Variants in CYS1 observed in about 807,000 individuals in gnomAD.
CYS1 encodes the protein cystin 1.
In CYS1, 5 loss-of-function variants were observed where a neutral mutation model predicts 9.6. The observed-to-expected ratio is 0.52, with a 90% CI of 0.27 to 1.10. The LOEUF is 1.10. Ranked by LOEUF, CYS1 falls within the 50% of genes least tolerant of loss-of-function variation. The pLI is 0.11. For missense variants in CYS1, 221 were observed against 207.9 expected (o/e 1.06, Z -0.39); for synonymous variants, 88 against 95.7 (o/e 0.92, Z 0.47).
Position 10,065,901 on chromosome 2 carries a change from T to G in CYS1, c.371+3A>C. 1 of 1,614,178 alleles carries G rather than the reference T, an allele frequency of 6.2e-7. No homozygotes were observed. Among genetic ancestry groups the G allele is most frequent in the Non-Finnish European group, 8.5e-7 (1 of 1,180,012 alleles). ...GGGAGAGATGTGCCTCCCTGGTACTTACTCAGAGACATTGCCGCTCCCCGG... is the reference window on the plus strand; with the variant it reads ...GGGAGAGATGTGCCTCCCTGGTACTGACTCAGAGACATTGCCGCTCCCCGG... On this transcript the variant is annotated splice_donor_region_variant and intron_variant, in intron 2 of 2. Transcript: ENST00000381813.
chr2:10,064,678 T>C (rs1661671131), intron 2 of CYS1, among the ~76,000 whole-genome samples: 5 of 152,052 alleles, frequency 3.3e-5, no homozygotes, highest in Admixed American at 3.3e-4. Flanking sequence ...GGCGAACTCC[T>C]GTACGTCCTT....
intron 1 of CYS1, among the ~76,000 whole-genome samples, chr2:10,067,079 G>C (rs998008240): frequency 1.3e-5 from 2 of 152,068 alleles, no homozygotes; most frequent in East Asian, 3.9e-4. Flanking sequence ...GCAATGGTGC[G>C]ATCTCAGCTC....
chr2:10,070,409 G>A (rs752189361), intron 1 of CYS1, among the ~76,000 whole-genome samples: 1 of 152,124 alleles, frequency 6.6e-6, no homozygotes, highest in Non-Finnish European at 1.5e-5. Context: ...GCAGTGGCGT[G>A]ATCTCGGCTC....
chr2:10,078,784 G>C (rs570808443), intron 1 of CYS1, among the ~76,000 whole-genome samples: 1 of 152,248 alleles, frequency 6.6e-6, no homozygotes, highest in South Asian at 2.1e-4. Flanking sequence ...CAGCGGGACC[G>C]GTGCTCAAAG....
At chr2:10,073,723 G>A (rs1241210740) in intron 1 of CYS1, among the ~76,000 whole-genome samples, 1 of 152,078 alleles carries the variant, frequency 6.6e-6, no homozygotes, top group Non-Finnish European at 1.5e-5. Context: ...CAGCCCTATG[G>A]GACTCAAAGC....
chr2:10,064,698 T>G (rs1052436302), intron 2 of CYS1, among the ~76,000 whole-genome samples: 1 of 151,856 alleles, frequency 6.6e-6, no homozygotes, highest in Non-Finnish European at 1.5e-5. Context: ...TCAAGCCATA[T>G]TATTTTTATA....
At position 10,080,271 on chromosome 2, in the gene CYS1, G is replaced by T. The variant is rs1458316846; in HGVS notation, c.-48C>A. ...CCGCCGAGGGGGCCCCCATGAGGGG[G>T]CGCGGCCGGGGGCGGGGACGCTAGG... On this transcript the variant is annotated 5_prime_UTR_variant, in exon 1 of 3. Transcript: ENST00000381813. The surrounding 1 kb of genome is among the most constrained non-coding windows in gnomAD (Gnocchi z 6.4). 9.9e-7 allele frequency: 1 copy of T among 1,005,590 alleles called. No homozygotes were observed. The highest frequency in any genetic ancestry group is 1.2e-6 in the Non-Finnish European group (1 of 840,992). 62.3% of individuals were successfully genotyped at this position (1,005,590 alleles called of 1,614,324 possible).
At chr2:10,074,775 C>T (rs372050669) in intron 1 of CYS1, among the ~76,000 whole-genome samples, 3 of 152,192 alleles carry the variant, frequency 2.0e-5, no homozygotes, top group Non-Finnish European at 2.9e-5. Flanking sequence ...TTCTGCTCTC[C>T]GACATCACCT....
At chr2:10,066,134 C>G (rs546144955) in intron 1 of CYS1, among the ~76,000 whole-genome samples, 178 bp from the exon 2 acceptor site, 1 of 152,230 alleles carries the variant, frequency 6.6e-6, no homozygotes, top group Non-Finnish European at 1.5e-5. Context: ...GGCAAGAAAA[C>G]GGAGGCTGCA....
chr2:10,079,099 G>A (rs916832911), intron 1 of CYS1, among the ~76,000 whole-genome samples: 2 of 152,194 alleles, frequency 1.3e-5, no homozygotes, highest in African/African-American at 4.8e-5. Context: ...CCGTAAGGGA[G>A]AGGAGCAGGG....
intron 2 of CYS1, among the ~76,000 whole-genome samples, chr2:10,062,429 T>C (rs1011254465): frequency 6.6e-6 from 1 of 152,096 alleles, no homozygotes; most frequent in Non-Finnish European, 1.5e-5. Context: ...AGTTTTGCTC[T>C]GTCACCCAGG....
intron 2 of CYS1, 121 bp downstream of exon 2, chr2:10,065,783 T>A: frequency 3.2e-6 from 3 of 925,590 alleles, no homozygotes; most frequent in Non-Finnish European, 5.2e-6. Flanking sequence ...TAGAGGGAGC[T>A]GCCTCTGGAA....
In CYS1 at chr2:10,065,938, T is replaced by C. The variant is rs1346732911; in HGVS notation, c.337A>G (p.Thr113Ala). Reference sequence around the variant, plus strand: ...TTGCCGCTCCCCGGGTGGCCCTCTGTGCTCTGCTCTGCGCACACCTTGAGA... The same window carrying C: ...TTGCCGCTCCCCGGGTGGCCCTCTGCGCTCTGCTCTGCGCACACCTTGAGA... Reference protein sequence around the residue: ...AGSAVCAEQSTEGHPGSGNVS... With the variant: ...AGSAVCAEQSAEGHPGSGNVS... The change falls in exon 2 of 3, where the codon ACA (threonine) becomes GCA (alanine). Residue 113 changes from threonine to alanine, a missense_variant. Thr to Ala is a moderately conservative substitution (Grantham distance 58). Transcript: ENST00000381813. 2 of 1,614,096 alleles carry C rather than the reference T, an allele frequency of 1.2e-6. No homozygotes were observed. The highest frequency in any genetic ancestry group is 2.7e-5 in the African/African-American group (2 of 74,924).
chr2:10,062,004 A>G (rs1290662868), intron 2 of CYS1, among the ~76,000 whole-genome samples: 1 of 152,092 alleles, frequency 6.6e-6, no homozygotes, highest in African/African-American at 2.4e-5. Context: ...AGGGACTCCT[A>G]AAGTCATGCT....
chr2:10,072,214 C>A (rs1417580329), intron 1 of CYS1, among the ~76,000 whole-genome samples: 1 of 152,080 alleles, frequency 6.6e-6, no homozygotes, highest in Non-Finnish European at 1.5e-5. Context: ...TCCTGAGTAG[C>A]TGGGATTACA....
chr2:10,062,401 CT>C (rs201124927), intron 2 of CYS1, among the ~76,000 whole-genome samples: 19 of 147,608 alleles, frequency 1.3e-4, no homozygotes, highest in Admixed American at 2.0e-4. Context: ...CTCTTTTTTT[CT>C]TTTTTTTTTG....
chr2:10,058,992 G>A (rs1156548970), intron 2 of CYS1, 34 bp from the exon 3 acceptor site: 2 of 1,541,870 alleles, frequency 1.3e-6, no homozygotes, highest in South Asian at 1.2e-5. Flanking sequence ...GCTGTCAGGA[G>A]GCAGGATGGT....
chr2:10,066,712 G>C (rs1661701730), intron 1 of CYS1, among the ~76,000 whole-genome samples: 1 of 152,220 alleles, frequency 6.6e-6, no homozygotes, highest in Non-Finnish European at 1.5e-5. Context: ...GTGCTGCTCA[G>C]CTTACAATGG....
At chr2:10,060,048 C>T (rs925202048) in intron 2 of CYS1, among the ~76,000 whole-genome samples, 2 of 152,230 alleles carry the variant, frequency 1.3e-5, no homozygotes, top group African/African-American at 4.8e-5. Context: ...GAGGCAGTCC[C>T]GGGAGCCCAG....
Sources: gnomAD v4.1 joint callset for allele counts (sites outside exome capture counted in the v4.1 genomes callset) on GRCh38, gnomAD v4.1.1 for gene constraint, Gnocchi (gnomAD v3.1) non-coding constraint, MANE v1.5 for transcripts, NCBI Gene and HGNC (gene_info 2026-07-23, HGNC 2026-07-21) for gene names.